Variants in CCBE1 observed in about 807,000 individuals in gnomAD.
CCBE1 encodes collagen and calcium-binding EGF domain-containing protein 1.
Under a neutral mutation model 50.0 loss-of-function variants are expected in CCBE1, and 37 were observed. That is an observed-to-expected ratio of 0.74 (90% CI 0.57 to 0.97). The LOEUF (loss-of-function observed/expected upper bound fraction) is 0.97, where lower values mean the gene tolerates loss of function less well. Ranked by LOEUF, CCBE1 falls within the 50% of genes least tolerant of loss-of-function variation. The pLI is 0.00. For synonymous variants in CCBE1, 234 were observed against 203.7 expected (o/e 1.15, Z -1.27); for missense variants, 538 against 523.8 (o/e 1.03, Z -0.26).
intron 2 of CCBE1, among the ~76,000 whole-genome samples, chr18:59,511,585 C>G (rs967712919): frequency 6.6e-6 from 1 of 152,228 alleles, no homozygotes; most frequent in Non-Finnish European, 1.5e-5. Flanking sequence ...TATCCATCAC[C>G]TTAAACATTT....
intron 2 of CCBE1, among the ~76,000 whole-genome samples, chr18:59,482,414 A>G (rs1284961598): frequency 6.6e-6 from 1 of 152,190 alleles, no homozygotes; most frequent in African/African-American, 2.4e-5. Context: ...AGAACCAGAA[A>G]TACTGTTTGA....
At chr18:59,511,548 G>A (rs1914132235) in intron 2 of CCBE1, among the ~76,000 whole-genome samples, 1 of 152,188 alleles carries the variant, frequency 6.6e-6, no homozygotes, top group Non-Finnish European at 1.5e-5. Flanking sequence ...CATATAATGT[G>A]TAAAGATTAA....
At chr18:59,658,381 A>G (rs2054231495) in intron 2 of CCBE1, among the ~76,000 whole-genome samples, 2 of 28,148 alleles carry the variant, frequency 7.1e-5, no homozygotes, top group Non-Finnish European at 1.3e-4. Flanking sequence ...ATATATATAT[A>G]TATATATATA....
intron 2 of CCBE1, among the ~76,000 whole-genome samples, chr18:59,674,930 G>A (rs747124114): frequency 6.6e-6 from 1 of 151,942 alleles, no homozygotes; most frequent in African/African-American, 2.4e-5. Context: ...CAATTCCTGG[G>A]CAAATCCAGC....
intron 2 of CCBE1, among the ~76,000 whole-genome samples, chr18:59,657,976 A>G (rs946100024): frequency 6.6e-6 from 1 of 152,078 alleles, no homozygotes; most frequent in Non-Finnish European, 1.5e-5. Context: ...CACGGGAGGC[A>G]GCACATTGGA....
intron 2 of CCBE1, among the ~76,000 whole-genome samples, chr18:59,685,119 C>T (rs1353630315): frequency 2.0e-5 from 3 of 152,102 alleles, no homozygotes; most frequent in African/African-American, 7.2e-5. Flanking sequence ...TCATGCAGTG[C>T]AGCAACAAAG....
intron 2 of CCBE1, among the ~76,000 whole-genome samples, chr18:59,695,374 C>T (rs1181649532): frequency 1.3e-5 from 2 of 152,148 alleles, no homozygotes; most frequent in Non-Finnish European, 2.9e-5. Flanking sequence ...TCTTAACCTG[C>T]CAATTGAACA....
intron 2 of CCBE1, among the ~76,000 whole-genome samples, chr18:59,637,652 A>G (rs546165596): frequency 1.5e-4 from 23 of 152,350 alleles, no homozygotes; most frequent in Admixed American, 1.4e-3. Context: ...AGGAATCACA[A>G]TTGGAGCATA....
intron 4 of CCBE1, among the ~76,000 whole-genome samples, chr18:59,467,952 C>T (rs1911831786): frequency 6.6e-6 from 1 of 152,210 alleles, no homozygotes; most frequent in Non-Finnish European, 1.5e-5. Context: ...GGCTCACTGC[C>T]TTTCCCCAGG....
chr18:59,616,739 A>G (rs561385276), intron 2 of CCBE1, among the ~76,000 whole-genome samples: 1 of 152,368 alleles, frequency 6.6e-6, no homozygotes, highest in African/African-American at 2.4e-5. Context: ...GTTTCCCAGA[A>G]ACGGATTCTT....
At chr18:59,524,251 C>T (rs1324515562) in intron 2 of CCBE1, among the ~76,000 whole-genome samples, 6 of 152,084 alleles carry the variant, frequency 3.9e-5, no homozygotes, top group African/African-American at 9.7e-5. Flanking sequence ...ACCTAGGAGG[C>T]GAAGTTTGCA....
chr18:59,600,621 C>T, intron 2 of CCBE1, among the ~76,000 whole-genome samples: 1 of 152,066 alleles, frequency 6.6e-6, no homozygotes, highest in South Asian at 2.1e-4. Flanking sequence ...GGTTACAATT[C>T]ACCCGGGTTA....
intron 2 of CCBE1, among the ~76,000 whole-genome samples, chr18:59,597,037 AG>A (rs1243750666): frequency 6.6e-6 from 1 of 152,248 alleles, no homozygotes; most frequent in Non-Finnish European, 1.5e-5. Flanking sequence ...AATAATCAAA[AG>A]CTTCCACATG....
At chr18:59,679,718 A>G (rs2054560026) in intron 2 of CCBE1, among the ~76,000 whole-genome samples, 1 of 152,192 alleles carries the variant, frequency 6.6e-6, no homozygotes, top group African/African-American at 2.4e-5. Context: ...TATTTTGCTA[A>G]GGTTGAGGAT....
intron 2 of CCBE1, among the ~76,000 whole-genome samples, chr18:59,636,099 G>C (rs973945590): frequency 1.3e-5 from 2 of 152,080 alleles, no homozygotes; most frequent in East Asian, 1.9e-4. Flanking sequence ...GCTTCAGTGA[G>C]CCATGATCAT....
chr18:59,583,678 T>TGCGC (rs1379232997), intron 2 of CCBE1, among the ~76,000 whole-genome samples: 3 of 58,560 alleles, frequency 5.1e-5, no homozygotes, highest in Non-Finnish European at 1.0e-4. Flanking sequence ...TGTGTGTGTG[T>TGCGC]GTGCGCGCGC....
intron 7 of CCBE1, among the ~76,000 whole-genome samples, chr18:59,443,657 T>C (rs968890382): frequency 1.1e-4 from 17 of 151,956 alleles, no homozygotes; most frequent in Non-Finnish European, 1.9e-4. Flanking sequence ...TCAGTAGAGA[T>C]GGGGTTTCAC....
At chr18:59,697,145 C>A (rs1420565240) in intron 1 of CCBE1, 67 bp downstream of exon 1, 1 of 1,543,758 alleles carries the variant, frequency 6.5e-7, no homozygotes, top group Non-Finnish European at 8.7e-7. Context: ...GGAGGACCGC[C>A]CGCACCCCGC....
chr18:59,675,220 C>T (rs567500246), intron 2 of CCBE1, among the ~76,000 whole-genome samples: 1 of 152,264 alleles, frequency 6.6e-6, no homozygotes, highest in African/African-American at 2.4e-5. Context: ...AGCCTCACTG[C>T]CAATGGTGTT....
Sources: gnomAD v4.1 joint callset for allele counts (sites outside exome capture counted in the v4.1 genomes callset) on GRCh38, gnomAD v4.1.1 for gene constraint, MANE v1.5 for transcripts, NCBI Gene and HGNC (gene_info 2026-07-23, HGNC 2026-07-21) for gene names.